Variants in TXNL4A observed in about 807,000 individuals in gnomAD.
TXNL4A encodes thioredoxin-like protein 4A.
In TXNL4A, 17 loss-of-function variants were observed where a neutral mutation model predicts 14.6. The ratio of observed to expected loss-of-function variants is 1.16; its 90% CI spans 0.80 to 1.74. The LOEUF is 1.74. Among genes scored for constraint, TXNL4A ranks in the 40% most tolerant of loss-of-function variants. The pLI, the probability that TXNL4A is intolerant of heterozygous loss-of-function variation, is 0.00. For synonymous variants in TXNL4A, 83 were observed against 70.6 expected (o/e 1.18, Z -0.88); for missense variants, 74 against 195.2 (o/e 0.38, Z 3.70).
intron 1 of TXNL4A, among the ~76,000 whole-genome samples, chr18:80,024,427 T>C (rs2051870727): frequency 6.6e-6 from 1 of 152,210 alleles, no homozygotes; most frequent in Non-Finnish European, 1.5e-5. Flanking sequence ...ATATTTTGTG[T>C]GATCATTGTT....
Position 79,988,243 on chromosome 18 carries a change from C to T in TXNL4A, c.150G>A (p.Glu50=). 3.2e-6 allele frequency: 5 copies of T among 1,548,094 alleles called. No individual in the cohort carries two copies. Among genetic ancestry groups the T allele is most frequent in the Non-Finnish European group, 4.4e-6 (5 of 1,132,036 alleles). ...GCGGGAGAGTCCGGCGCGCTACCTT[C>T]TCGGCGATGCTGTACAGGACCTCGT... The part of the protein sequence containing the change: ...KMDEVLYSIA[E]KVKNFAVIYL... Residue 50 remains glutamate (E), a synonymous_variant, in exon 1 of 3, where the codon GAG becomes GAA. Transcript: ENST00000269601.
chr18:79,980,851 C>T lies in TXNL4A; in HGVS notation c.154-3150G>A, dbSNP rs533735635. Among the ~76,000 whole-genome samples, 3 of 152,330 alleles carry T rather than the reference C, an allele frequency of 2.0e-5. No individual in the cohort carries two copies. The East Asian group carries it at 5.8e-4, about 29-fold the overall frequency. On this transcript the variant is annotated intron_variant, in intron 1 of 2. Coordinates refer to ENST00000269601, the MANE Select transcript of TXNL4A (RefSeq NM_006701.5). ...CCCACTGCAGGGGCATGCGACTCCC[C>T]GTCCATGTGCTTTCAAAACCCCAAA...
At chr18:80,018,894 C>G (rs1361995641) in intron 1 of TXNL4A, among the ~76,000 whole-genome samples, 1 of 152,218 alleles carries the variant, frequency 6.6e-6, no homozygotes, top group Non-Finnish European at 1.5e-5. Context: ...CCACCAGTAT[C>G]TTTGCTAAAA....
In TXNL4A at chr18:80,021,550, T is replaced by C. The variant is rs547128482; in HGVS notation, c.-61+12301A>G. The stretch of plus-strand genomic sequence containing the variant: ...AATGGTATGCAGAAAAAGGCACTTG[T>C]TAGGTTTAAAACTGAATCATTTAGT... On this transcript the variant is annotated intron_variant, in intron 1 of 2. Transcript: ENST00000585474. 2.6e-5 allele frequency among the ~76,000 whole-genome samples: 4 copies of C among 152,250 alleles called. 1 individual carries two copies. In the South Asian group the frequency reaches 6.2e-4, roughly 24 times the overall value.
intron 1 of TXNL4A, among the ~76,000 whole-genome samples, chr18:79,985,383 G>A (rs1789833030): frequency 6.6e-6 from 1 of 152,020 alleles, no homozygotes; most frequent in Non-Finnish European, 1.5e-5. Context: ...CTACCAAGTA[G>A]TTGGGACCAC....
At chr18:80,033,243 GCA>G (rs1327823040) in intron 1 of TXNL4A, among the ~76,000 whole-genome samples, 2 of 151,796 alleles carry the variant, frequency 1.3e-5, no homozygotes, top group African/African-American at 2.4e-5. Context: ...CCACACACAT[GCA>G]CACACACGTA....
At chr18:80,007,603 T>A (rs1165115803) in intron 1 of TXNL4A, among the ~76,000 whole-genome samples, 4 of 152,138 alleles carry the variant, frequency 2.6e-5, no homozygotes, top group Non-Finnish European at 4.4e-5. Context: ...CTTGGTTTTT[T>A]TTTTTAATCA....
chr18:80,001,611 G>C (rs892711963), intron 1 of TXNL4A, among the ~76,000 whole-genome samples: 6 of 152,194 alleles, frequency 3.9e-5, no homozygotes, highest in Non-Finnish European at 8.8e-5. Flanking sequence ...TTTTGCATCA[G>C]TGTGACCCGG....
At chr18:79,989,333 C>T (rs1599733659), upstream of TXNL4A, among the ~76,000 whole-genome samples, 1 of 151,974 alleles carries the variant, frequency 6.6e-6, no homozygotes, top group African/African-American at 2.4e-5. Context: ...TGGTCTTGAA[C>T]TCCTGACCTC....
At chr18:79,987,028 G>T (rs1171850458) in intron 1 of TXNL4A, among the ~76,000 whole-genome samples, 2 of 152,182 alleles carry the variant, frequency 1.3e-5, no homozygotes, top group African/African-American at 4.8e-5. Context: ...GGAGGAAGAG[G>T]CTGCGAGATG....
intron 1 of TXNL4A, among the ~76,000 whole-genome samples, chr18:80,017,957 C>A (rs1410548546): frequency 4.0e-5 from 6 of 150,986 alleles, no homozygotes; most frequent in Non-Finnish European, 1.5e-5. Context: ...CCTCCTTGTA[C>A]CTCTGGTAGA....
intron 1 of TXNL4A, among the ~76,000 whole-genome samples, chr18:80,010,542 T>C (rs1350094220): frequency 6.6e-6 from 1 of 151,678 alleles, no homozygotes; most frequent in Non-Finnish European, 1.5e-5. Flanking sequence ...GAAAGGAGAG[T>C]GTCCACGGGA....
At chr18:79,990,301 CTA>C (rs2051617692), upstream of TXNL4A, among the ~76,000 whole-genome samples, 1 of 152,206 alleles carries the variant, frequency 6.6e-6, no homozygotes, top group Non-Finnish European at 1.5e-5. Flanking sequence ...TAGAGATCAT[CTA>C]AATCTCTTTC....
At chr18:79,980,912 C>T (rs577203905) in intron 1 of TXNL4A, among the ~76,000 whole-genome samples, 7 of 152,332 alleles carry the variant, frequency 4.6e-5, no homozygotes, top group Non-Finnish European at 7.3e-5. Context: ...CCTCTGAGTC[C>T]GGTCACTCTG....
At chr18:80,023,645 A>G (rs1353180727) in intron 1 of TXNL4A, among the ~76,000 whole-genome samples, 1 of 152,254 alleles carries the variant, frequency 6.6e-6, no homozygotes, top group African/African-American at 2.4e-5. Context: ...ACTGAGGGTG[A>G]AATATCCTCC....
At chr18:79,974,342 T>C (rs1339403577) in intron 2 of TXNL4A, among the ~76,000 whole-genome samples, 3 of 152,264 alleles carry the variant, frequency 2.0e-5, no homozygotes, top group African/African-American at 4.8e-5. Context: ...CCTTCAACTA[T>C]GAAATGAAGA....
chr18:80,001,213 A>T (rs1331933831), intron 1 of TXNL4A, among the ~76,000 whole-genome samples: 2 of 152,138 alleles, frequency 1.3e-5, no homozygotes, highest in Non-Finnish European at 2.9e-5. Context: ...CTTCCACGTG[A>T]TGTGGAGCCT....
At position 79,975,807 on chromosome 18, in the gene TXNL4A, G is replaced by A. The variant is rs572653137; in HGVS notation, c.257+1791C>T. On this transcript the variant is annotated intron_variant, in intron 2 of 2. Transcript: ENST00000269601. ...CAACACACTCGGGATATTTAGCTGC[G>A]GAAACTTCCAAGCAAAGTCTCGGAG... Among the ~76,000 whole-genome samples the A allele has an allele frequency of 1.2e-4, 19 of 152,118 alleles. No individual in the cohort carries two copies. In the Middle Eastern group the frequency reaches 0.01, roughly 82 times the overall value.
chr18:80,027,163 C>A (rs755163221), intron 1 of TXNL4A, among the ~76,000 whole-genome samples: 1 of 151,928 alleles, frequency 6.6e-6, no homozygotes, highest in African/African-American at 2.4e-5. Context: ...TAGAGATAAA[C>A]CCTAAGAAAC....
Sources: allele counts gnomAD v4.1 joint callset (sites outside exome capture counted in the v4.1 genomes callset), GRCh38; gene constraint gnomAD v4.1.1; transcripts MANE v1.5; gene names NCBI Gene and HGNC (gene_info 2026-07-23, HGNC 2026-07-21).